PRKN: variants seen among roughly 807,000 people sequenced by gnomAD.
PRKN encodes parkin RBR E3 ubiquitin protein ligase.
In PRKN, 56 loss-of-function variants were observed where a neutral mutation model predicts 59.5. That is an observed-to-expected ratio of 0.94 (90% CI 0.76 to 1.18). The LOEUF (loss-of-function observed/expected upper bound fraction) is 1.18, where lower values mean the gene tolerates loss of function less well. PRKN is among the 50% of genes most tolerant of loss of function. PRKN has a pLI of 0.00. For missense variants in PRKN, 657 were observed against 596.4 expected, an observed-to-expected ratio of 1.10 and a Z score of -1.06; for synonymous variants, 250 against 222.1, an observed-to-expected ratio of 1.13 and a Z score of -1.12.
intron 7 of PRKN, among the ~76,000 whole-genome samples, chr6:161,757,833 A>ATCTCTCTCTCTCTCTCTCTC (rs748787015): frequency 2.7e-5 from 1 of 37,626 alleles, no homozygotes; most frequent in African/African-American, 8.3e-5. Context: ...GCAAAACTCC[A>ATCTCTCTCTCTCTCTCTCTC]TCTCTCTCTC....
intron 1 of PRKN, among the ~76,000 whole-genome samples, chr6:162,722,259 T>C (rs1194938743): frequency 2.0e-5 from 3 of 152,232 alleles, no homozygotes; most frequent in Admixed American, 1.3e-4. Context: ...AAAAGGTTTC[T>C]ATTTGGTGAA....
chr6:161,977,955 T>C (rs1172487384), intron 5 of PRKN, among the ~76,000 whole-genome samples: 1 of 151,446 alleles, frequency 6.6e-6, no homozygotes, highest in South Asian at 2.1e-4. Flanking sequence ...GACAGACCCA[T>C]GGAGAATTGC....
chr6:161,440,557 T>C lies in PRKN; in HGVS notation c.1084-53680A>G, dbSNP rs7745030. Among the ~76,000 whole-genome samples the C allele has an allele frequency of 0.047, 7,152 of 152,260 alleles. 439 individuals carry two copies. The highest frequency in any genetic ancestry group is 0.14 in the African/African-American group (5,904 of 41,518). On this transcript the variant is annotated intron_variant, in intron 9 of 11. Coordinates refer to ENST00000366898, the MANE Select transcript of PRKN (RefSeq NM_004562.3). The surrounding 1 kb of genome is among the most constrained non-coding windows in gnomAD (Gnocchi z 4.1). ...GACATGGTCGGCAGACACAGAGGGT[T>C]CCCTCACCAGGGGTCTGGGAGTTGC...
chr6:162,645,406 A>C (rs1261136551), intron 1 of PRKN, among the ~76,000 whole-genome samples: 1 of 152,210 alleles, frequency 6.6e-6, no homozygotes, highest in Non-Finnish European at 1.5e-5. Context: ...TATGCAGCTG[A>C]GCTATGGCAA....
intron 6 of PRKN, among the ~76,000 whole-genome samples, chr6:161,904,327 TTTTTTTG>T: frequency 7.0e-6 from 1 of 141,874 alleles, no homozygotes; most frequent in African/African-American, 2.6e-5. Flanking sequence ...TTTTTTTTTT[TTTTTTTG>T]AGACAGAGTC....
intron 7 of PRKN, among the ~76,000 whole-genome samples, chr6:161,730,819 ATTCTGATGTGTTGCATTCT>A (rs1787674174): frequency 6.6e-6 from 1 of 151,850 alleles, no homozygotes; most frequent in African/African-American, 2.4e-5. Flanking sequence ...GATATGTTGC[ATTCTGATGTGTTGCATTCT>A]TTCTGGTGTG....
At chr6:161,909,742 A>C (rs1778284460) in intron 6 of PRKN, among the ~76,000 whole-genome samples, 1 of 152,224 alleles carries the variant, frequency 6.6e-6, no homozygotes, top group African/African-American at 2.4e-5. Flanking sequence ...TGAGGCCCAA[A>C]GAAGAGATTT....
intron 2 of PRKN, among the ~76,000 whole-genome samples, chr6:162,392,310 G>C (rs1466384567): frequency 6.6e-6 from 1 of 152,108 alleles, no homozygotes; most frequent in Admixed American, 6.5e-5. Context: ...CTTTCCAAGA[G>C]GTCAAAGGAG....
chr6:162,539,538 G>A lies in PRKN; in HGVS notation c.8-96065C>T, dbSNP rs575219695. On this transcript the variant is annotated intron_variant, in intron 1 of 11. Transcript: ENST00000366898. ...CATCAGTTGGAGGATTTACATCATC[G>A]ACTATCTGAATACCAGGGACACATT... Among the ~76,000 whole-genome samples, 70 of 152,160 alleles carry A rather than the reference G, an allele frequency of 4.6e-4. No individual in the cohort carries two copies. The South Asian group carries it at 0.013, about 28-fold the overall frequency.
intron 4 of PRKN, among the ~76,000 whole-genome samples, chr6:162,128,272 A>G (rs1781200236): frequency 6.6e-6 from 1 of 152,206 alleles, no homozygotes; most frequent in Admixed American, 6.5e-5. Context: ...GAAAGTGTGA[A>G]GTGGATGGTA....
At chr6:162,611,935 C>T (rs1007019978) in intron 1 of PRKN, among the ~76,000 whole-genome samples, 6 of 151,994 alleles carry the variant, frequency 3.9e-5, no homozygotes, top group South Asian at 2.1e-4. Context: ...CCTGTAATCC[C>T]AGCACTTTGG....
At chr6:161,693,856 A>G (rs1489465829) in intron 7 of PRKN, among the ~76,000 whole-genome samples, 2 of 152,252 alleles carry the variant, frequency 1.3e-5, no homozygotes, top group Non-Finnish European at 2.9e-5. Flanking sequence ...CAATCAATGC[A>G]GAGAAATAGC....
chr6:162,080,951 G>A (rs575246797), intron 4 of PRKN, among the ~76,000 whole-genome samples: 1 of 152,130 alleles, frequency 6.6e-6, no homozygotes, highest in East Asian at 1.9e-4. Flanking sequence ...CTTTCATCAG[G>A]AGTAGGTTTC....
rs568700615 is a variant in PRKN at position 161,456,246 on chromosome 6, C to T, written c.1084-69369G>A. Reference sequence around the variant, plus strand: ...GAAATTGAATCGGCTGCCAGTGCAGCTAAGATAAAAGCAGGCAGAAGGGTG... The same window carrying T: ...GAAATTGAATCGGCTGCCAGTGCAGTTAAGATAAAAGCAGGCAGAAGGGTG... On this transcript the variant is annotated intron_variant, in intron 9 of 11. Transcript: ENST00000366898. This position sits in a 1 kb window ranked among gnomAD's most constrained non-coding sequence, Gnocchi z 4.8. Among the ~76,000 whole-genome samples, 1 of 152,292 alleles carries T rather than the reference C, an allele frequency of 6.6e-6. No individual in the cohort carries two copies. Among genetic ancestry groups the T allele is most frequent in the East Asian group, 1.9e-4 (1 of 5,180 alleles).
intron 7 of PRKN, among the ~76,000 whole-genome samples, chr6:161,617,899 T>C (rs958518035): frequency 7.2e-5 from 11 of 152,234 alleles, no homozygotes; most frequent in African/African-American, 2.7e-4. Flanking sequence ...TAGAAAATGC[T>C]TTAATGTACT....
rs1193295989 is a variant in PRKN, at chr6:161,391,891, C to A, written c.1084-5014G>T. Among the ~76,000 whole-genome samples the A allele has an allele frequency of 2.0e-5, 3 of 151,968 alleles. No homozygotes were observed. The highest frequency in any genetic ancestry group is 7.3e-5 in the African/African-American group (3 of 41,328). The stretch of plus-strand genomic sequence containing the variant: ...GTGGATTTAGGAGGTGCCTACCCAG[C>A]CCTGAAACCGTGTAAGCCACTTCCT... On this transcript the variant is annotated intron_variant, in intron 9 of 11. Coordinates refer to ENST00000366898, the MANE Select transcript of PRKN (RefSeq NM_004562.3). The surrounding 1 kb of genome is among the most constrained non-coding windows in gnomAD (Gnocchi z 4.9).
intron 3 of PRKN, among the ~76,000 whole-genome samples, chr6:162,249,219 A>G (rs972364103): frequency 6.6e-6 from 1 of 152,226 alleles, no homozygotes; most frequent in African/African-American, 2.4e-5. Flanking sequence ...TCTGATTTTT[A>G]GCATCCTTCG....
intron 1 of PRKN, among the ~76,000 whole-genome samples, chr6:162,568,120 C>T (rs547285178): frequency 1.3e-5 from 2 of 152,080 alleles, no homozygotes; most frequent in Non-Finnish European, 2.9e-5. Context: ...AAAGCAAAAT[C>T]GATTTAAAAA....
intron 9 of PRKN, among the ~76,000 whole-genome samples, chr6:161,517,247 C>T (rs138374073): frequency 1.7e-3 from 265 of 152,214 alleles, no homozygotes; most frequent in African/African-American, 6.0e-3. Context: ...TGTGACTGAC[C>T]TATCTTTTTA....
Sources: gnomAD v4.1 joint callset for allele counts (sites outside exome capture counted in the v4.1 genomes callset) on GRCh38, gnomAD v4.1.1 for gene constraint, Gnocchi (gnomAD v3.1) non-coding constraint, MANE v1.5 for transcripts, NCBI Gene and HGNC (gene_info 2026-07-23, HGNC 2026-07-21) for gene names.